Variants in ZNF804A observed in about 807,000 individuals in gnomAD.
The protein encoded by ZNF804A is zinc finger protein 804A.
In ZNF804A, 2 loss-of-function variants were observed where a neutral mutation model predicts 16.5. The observed-to-expected ratio is 0.12, with a 90% CI of 0.05 to 0.38. The LOEUF (loss-of-function observed/expected upper bound fraction) is 0.38. ZNF804A is among the 10% of genes least tolerant of loss of function. The pLI is 0.99. For missense variants in ZNF804A, 1,473 were observed against 1,390.7 expected (o/e 1.06, Z -0.94); for synonymous variants, 534 against 489.6 (o/e 1.09, Z -1.20).
chr2:184,921,156 C>G (rs976664719), intron 2 of ZNF804A, among the ~76,000 whole-genome samples: 6 of 152,144 alleles, frequency 3.9e-5, no homozygotes, highest in Admixed American at 1.3e-4. Flanking sequence ...TACTTGATTT[C>G]TATTATTCAC....
intron 2 of ZNF804A, among the ~76,000 whole-genome samples, chr2:184,873,177 G>T (rs953915380): frequency 2.0e-5 from 3 of 152,112 alleles, no homozygotes; most frequent in Admixed American, 6.6e-5. Context: ...AATTATTTTT[G>T]TGACATTGGG....
At chr2:184,851,172 C>T (rs1695596283) in intron 1 of ZNF804A, among the ~76,000 whole-genome samples, 1 of 151,752 alleles carries the variant, frequency 6.6e-6, no homozygotes, top group African/African-American at 2.4e-5. Flanking sequence ...ACCTCATATA[C>T]TTTTAATTTG....
intron 1 of ZNF804A, among the ~76,000 whole-genome samples, chr2:184,736,413 T>C (rs1231842807): frequency 6.6e-6 from 1 of 152,192 alleles, no homozygotes; most frequent in African/African-American, 2.4e-5. Flanking sequence ...TGGAATACTA[T>C]GCAGCCATAA....
intron 1 of ZNF804A, among the ~76,000 whole-genome samples, chr2:184,821,876 C>T (rs1455108533): frequency 6.6e-6 from 1 of 152,128 alleles, no homozygotes; most frequent in South Asian, 2.1e-4. Flanking sequence ...CATCTCACAC[C>T]AGTCACAATA....
At chr2:184,893,730 A>G (rs1386751503) in intron 2 of ZNF804A, among the ~76,000 whole-genome samples, 2 of 152,140 alleles carry the variant, frequency 1.3e-5, no homozygotes, top group Non-Finnish European at 2.9e-5. Flanking sequence ...CATATATTGT[A>G]TGAGTCTTCA....
chr2:184,600,280 T>C (rs952778561), intron 1 of ZNF804A, among the ~76,000 whole-genome samples: 4 of 152,240 alleles, frequency 2.6e-5, no homozygotes, highest in African/African-American at 9.6e-5. Flanking sequence ...AAGTTTTACG[T>C]AAATTCTTGA....
At chr2:184,916,983 C>T (rs998313936) in intron 2 of ZNF804A, among the ~76,000 whole-genome samples, 1 of 152,160 alleles carries the variant, frequency 6.6e-6, no homozygotes, top group African/African-American at 2.4e-5. Context: ...TGCTCTGCTT[C>T]AATTGATTAA....
intron 2 of ZNF804A, among the ~76,000 whole-genome samples, chr2:184,877,715 C>T (rs1312111089): frequency 6.6e-6 from 1 of 151,900 alleles, no homozygotes; most frequent in Non-Finnish European, 1.5e-5. Context: ...TGAAGCTTTC[C>T]AGAAAATTAT....
At chr2:184,862,726 T>C (rs1296264150) in intron 1 of ZNF804A, among the ~76,000 whole-genome samples, 1 of 152,030 alleles carries the variant, frequency 6.6e-6, no homozygotes, top group African/African-American at 2.4e-5. Flanking sequence ...TAATGAGAAA[T>C]AAAGCAAAGA....
chr2:184,880,764 C>T (rs1684798012), intron 2 of ZNF804A, among the ~76,000 whole-genome samples: 1 of 152,024 alleles, frequency 6.6e-6, no homozygotes, highest in African/African-American at 2.4e-5. Flanking sequence ...CTTGCTGTGT[C>T]ATCCCATGGT....
At chr2:184,848,755 G>A (rs564118030) in intron 1 of ZNF804A, among the ~76,000 whole-genome samples, 22 of 152,140 alleles carry the variant, frequency 1.4e-4, no homozygotes, top group African/African-American at 5.1e-4. Context: ...CATAAAACCT[G>A]TAAAGACTTT....
intron 1 of ZNF804A, among the ~76,000 whole-genome samples, chr2:184,611,548 G>T (rs1173363974): frequency 2.0e-5 from 3 of 152,052 alleles, no homozygotes; most frequent in Non-Finnish European, 4.4e-5. Flanking sequence ...TTGCTCTTTT[G>T]GGAAGCTTAG....
At chr2:184,868,361 C>T (rs1475571800) in intron 2 of ZNF804A, among the ~76,000 whole-genome samples, 1 of 152,046 alleles carries the variant, frequency 6.6e-6, no homozygotes, top group African/African-American at 2.4e-5. Context: ...GAAAAAATAA[C>T]GTCATCGCTA....
rs1180569973 is a variant in ZNF804A at position 184,938,541 on chromosome 2, T to C, written c.3145T>C (p.Cys1049Arg). ...CCATGACAAATTCAAAAATGTACCA[T>C]GTGAGGTCTACCAGCACATTCTGCA... ...ENHDKFKNVP[C>R]EVYQHILQPN... Residue 1049 changes from cysteine (C) to arginine (R), a missense_variant, in exon 4 of 4, where the codon TGT (cysteine) becomes CGT (arginine). Coordinates refer to ENST00000302277, the MANE Select transcript of ZNF804A (RefSeq NM_194250.2). 1.9e-6 allele frequency: 3 copies of C among 1,614,092 alleles called. No individual in the cohort carries two copies. Among genetic ancestry groups the C allele is most frequent in the South Asian group, 1.1e-5 (1 of 91,078 alleles).
chr2:184,632,202 A>C (rs1445441672), intron 1 of ZNF804A, among the ~76,000 whole-genome samples: 1 of 152,042 alleles, frequency 6.6e-6, no homozygotes, highest in East Asian at 1.9e-4. Flanking sequence ...ATATTCATAC[A>C]CTTTAACTCA....
chr2:184,725,550 G>C (rs575820540), intron 1 of ZNF804A, among the ~76,000 whole-genome samples: 6 of 151,438 alleles, frequency 4.0e-5, no homozygotes, highest in Non-Finnish European at 8.9e-5. Flanking sequence ...ACAGAAAGTT[G>C]CAAAAATAGT....
intron 1 of ZNF804A, among the ~76,000 whole-genome samples, chr2:184,661,051 A>G (rs952765290): frequency 2.0e-5 from 3 of 152,238 alleles, no homozygotes; most frequent in African/African-American, 7.2e-5. Flanking sequence ...ACCATAAAAT[A>G]TTAATAATTT....
Position 184,749,582 on chromosome 2 carries a change from T to A in ZNF804A, c.112-116787T>A, listed in dbSNP as rs181137108. Among the ~76,000 whole-genome samples, 11 of 151,480 alleles carry A rather than the reference T, an allele frequency of 7.3e-5. No individual in the cohort carries two copies. The East Asian group carries it at 2.1e-3, about 29-fold the overall frequency. Reference sequence around the variant, plus strand: ...ATGCCTTTTATTTCTTTCTCTTGCCTCATTACTCTGGCGAGGGATTCTACA... The same window carrying A: ...ATGCCTTTTATTTCTTTCTCTTGCCACATTACTCTGGCGAGGGATTCTACA... On this transcript the variant is annotated intron_variant, in intron 1 of 3. Transcript: ENST00000302277.
intron 1 of ZNF804A, among the ~76,000 whole-genome samples, chr2:184,847,522 T>G (rs993965362): frequency 4.6e-5 from 7 of 152,084 alleles, no homozygotes; most frequent in African/African-American, 1.2e-4. Flanking sequence ...ACAGTCGCCC[T>G]CTTGCCAAAC....
Sources: allele counts gnomAD v4.1 joint callset (sites outside exome capture counted in the v4.1 genomes callset), GRCh38; gene constraint gnomAD v4.1.1; transcripts MANE v1.5; gene names NCBI Gene and HGNC (gene_info 2026-07-23, HGNC 2026-07-21).